Variants in NBPF26 observed in about 807,000 individuals in gnomAD.
NBPF26 encodes NBPF member 26, also known as NBPF family member NBPF26.
NBPF26 carries 79 observed loss-of-function variants against 119.6 expected under a neutral mutation model. That is an observed-to-expected ratio of 0.66 (90% CI 0.55 to 0.80). The LOEUF (loss-of-function observed/expected upper bound fraction) is 0.80. Among genes scored for constraint, NBPF26 ranks in the 30% least tolerant of loss-of-function variants. The probability of loss-of-function intolerance (pLI) is 0.00; values close to 1 mark genes in which losing one functional copy is unlikely to be tolerated. For missense variants in NBPF26, 800 were observed against 1,198.2 expected (o/e 0.67, Z 4.91); for synonymous variants, 299 against 457.7 (o/e 0.65, Z 4.43).
chr1:120,754,202 C>CAA (rs1176118362), intron 1 of NBPF26, among the ~76,000 whole-genome samples: 1 of 14,520 alleles, frequency 6.9e-5, no homozygotes, highest in Non-Finnish European at 1.2e-4. Flanking sequence ...GACTCCATCT[C>CAA]AAAAAAAAAA....
At chr1:120,783,462 A>G (rs1438233305) in intron 2 of NBPF26, among the ~76,000 whole-genome samples, 19,048 of 24,430 alleles carry the variant, frequency 0.78, 7,772 homozygotes, top group African/African-American at 0.87. Context: ...TAAATTATAT[A>G]CAACTTAAAG....
intron 1 of NBPF26, among the ~76,000 whole-genome samples, chr1:120,761,168 G>A (rs1651133191): frequency 7.9e-6 from 1 of 126,282 alleles, no homozygotes; most frequent in Non-Finnish European, 1.6e-5. Flanking sequence ...TTGACTTTGG[G>A]TTGCTTGTAT....
chr1:120,812,949 AATAATAAT>A (rs1651907888), intron 10 of NBPF26, among the ~76,000 whole-genome samples: 11 of 112,736 alleles, frequency 9.8e-5, no homozygotes, highest in South Asian at 2.5e-4. Flanking sequence ...TAATAATAAT[AATAATAAT>A]AAATAAAAAT....
downstream of NBPF26, chr1:120,840,633 A>C: frequency 6.9e-7 from 1 of 1,452,176 alleles, no homozygotes; most frequent in East Asian, 2.3e-5. Context: ...TCCTGCAGGC[A>C]GGACCTATAG....
chr1:120,790,535 C>CCTTTGTTTCTTT (rs1651476007), intron 3 of NBPF26, among the ~76,000 whole-genome samples: 1 of 76,630 alleles, frequency 1.3e-5, no homozygotes, highest in Non-Finnish European at 2.3e-5. Flanking sequence ...TTTCTCCCTC[C>CCTTTGTTTCTTT]CTTTCTTTCT....
intron 23 of NBPF26, among the ~76,000 whole-genome samples, chr1:120,833,365 T>TTC (rs1220747824): frequency 8.9e-5 from 3 of 33,520 alleles, no homozygotes; most frequent in Non-Finnish European, 9.5e-5. Flanking sequence ...CTAGGTCACT[T>TTC]TCTCTCTGTC....
intron 7 of NBPF26, 25 bp from the exon 8 acceptor site, chr1:120,809,786 C>T: frequency 6.6e-7 from 1 of 1,518,634 alleles, no homozygotes. Flanking sequence ...TGGGAAATAT[C>T]TGAACGAACA....
At chr1:120,790,556 CTT>C (rs1651477800) in intron 3 of NBPF26, among the ~76,000 whole-genome samples, 1 of 99,314 alleles carries the variant, frequency 1.0e-5, no homozygotes, top group South Asian at 2.9e-4. Context: ...TTCTTTCTTT[CTT>C]TCTTTCTTTC....
chr1:120,804,711 GAGCTTTGGACGT>G lies in NBPF26; in HGVS notation c.752-842_752-831del, dbSNP rs1651636896. ...AAACACATCAACCCACATAGAGGAAGAGCTTTGGACGTAGGGATGTCAAACTGGTCTAGAATG... is the reference window on the plus strand; with the variant it reads ...AAACACATCAACCCACATAGAGGAAGAGGGATGTCAAACTGGTCTAGAATG... On this transcript the variant is annotated intron_variant, in intron 4 of 29. Transcript: ENST00000620612. Among the ~76,000 whole-genome samples the G allele has an allele frequency of 1.7e-5, 2 of 117,732 alleles. 1 individual carries two copies. The highest frequency in any genetic ancestry group is 1.6e-4 in the Admixed American group (2 of 12,308). The allele number at this position is 117,732 out of a possible 152,430, so 77.2% of individuals were successfully genotyped here.
intron 3 of NBPF26, among the ~76,000 whole-genome samples, chr1:120,791,345 C>A (rs1651491639): frequency 1.0e-5 from 1 of 100,292 alleles, no homozygotes; most frequent in East Asian, 2.4e-4. Context: ...GACACATGCA[C>A]ACGTATGTTT....
chr1:120,785,307 G>T, intron 3 of NBPF26, 74 bp downstream of exon 3: 8 of 1,217,336 alleles, frequency 6.6e-6, no homozygotes, highest in Non-Finnish European at 9.1e-6. Flanking sequence ...TTAGATCATG[G>T]TGTCTGGCTC....
intron 1 of NBPF26, among the ~76,000 whole-genome samples, chr1:120,759,779 T>C (rs1651113754): frequency 8.6e-6 from 1 of 116,090 alleles, no homozygotes; most frequent in Non-Finnish European, 1.6e-5. Flanking sequence ...TAATACAATG[T>C]AGAACAATTA....
chr1:120,763,720 C>A lies in NBPF26; in HGVS notation c.155+11C>A. The A allele has an allele frequency of 1.7e-6, 2 of 1,204,914 alleles. No homozygotes were observed. The highest frequency in any genetic ancestry group is 2.3e-6 in the Non-Finnish European group (2 of 866,020). 74.6% of individuals were successfully genotyped at this position (1,204,914 alleles called of 1,614,324 possible). On this transcript the variant is annotated intron_variant, in intron 2 of 29. Coordinates refer to ENST00000620612, the Ensembl canonical transcript of NBPF26. ...CACAGGATACTGCAAGTAAGTTTTTCTCTTCATATATTTTCTTTTTGCGAT... is the reference window on the plus strand; with the variant it reads ...CACAGGATACTGCAAGTAAGTTTTTATCTTCATATATTTTCTTTTTGCGAT...
chr1:120,793,812 A>T (rs1333595362), intron 4 of NBPF26: 42,903 of 959,052 alleles, frequency 0.045, 7,921 homozygotes, highest in Non-Finnish European at 0.052. Flanking sequence ...ATGGAAAAGA[A>T]CACGATGAGA....
At chr1:120,727,437 A>T (rs1650827609) in intron 1 of NBPF26, among the ~76,000 whole-genome samples, 2 of 115,458 alleles carry the variant, frequency 1.7e-5, no homozygotes, top group South Asian at 5.1e-4. Flanking sequence ...ATAGAATATA[A>T]TGTCATTTCT....
chr1:120,805,008 T>G, intron 4 of NBPF26, among the ~76,000 whole-genome samples: 1 of 118,756 alleles, frequency 8.4e-6, no homozygotes, highest in South Asian at 2.5e-4. Flanking sequence ...TGACTACCAT[T>G]AAGAAAATAT....
At chr1:120,760,210 T>C (rs2101400968) in intron 1 of NBPF26, among the ~76,000 whole-genome samples, 1 of 65,580 alleles carries the variant, frequency 1.5e-5, no homozygotes, top group South Asian at 4.2e-4. Flanking sequence ...TTTTTTGAGA[T>C]GGAGTCTCTC....
rs1184593733 is a variant in NBPF26, at chr1:120,823,043, T to A, written c.2588-266T>A. ...TGCCTACAATTTATTGGGGAAAAAA[T>A]TGCTCATTTGTGTACATAAACCTAG... On this transcript the variant is annotated intron_variant, in intron 16 of 29. Coordinates refer to ENST00000620612, the Ensembl canonical transcript of NBPF26. Among the ~76,000 whole-genome samples the A allele has an allele frequency of 1.3e-4, 16 of 122,434 alleles. 3 individuals carry two copies. The highest frequency in any genetic ancestry group is 8.0e-4 in the East Asian group (4 of 4,972). 80.3% of individuals were successfully genotyped at this position (122,434 alleles called of 152,430 possible). A position where few individuals can be genotyped will look rare whatever the true frequency, so the allele number is the denominator to read the frequency against.
chr1:120,811,556 C>A lies in NBPF26; in HGVS notation c.1565-330C>A, dbSNP rs1349586436. On this transcript the variant is annotated intron_variant, in intron 9 of 29. Transcript: ENST00000620612. The stretch of plus-strand genomic sequence containing the variant: ...TGAGACTCCGTCTCAAACAAAAAAA[C>A]CAAAAAAGAAAATTAAGCAAAACGA... Among the ~76,000 whole-genome samples the A allele has an allele frequency of 1.1e-4, 12 of 112,970 alleles. 4 individuals are homozygous for A. Among genetic ancestry groups the A allele is most frequent in the Admixed American group, 5.0e-4 (6 of 12,116 alleles). The allele number at this position is 112,970 out of a possible 152,430, so 74.1% of individuals were successfully genotyped here.
Sources: gnomAD v4.1 joint callset for allele counts (sites outside exome capture counted in the v4.1 genomes callset) on GRCh38, gnomAD v4.1.1 for gene constraint, MANE v1.5 for transcripts, NCBI Gene and HGNC (gene_info 2026-07-23, HGNC 2026-07-21) for gene names.